Variants in AKT2 observed in about 807,000 individuals in gnomAD.
The protein encoded by AKT2 is AKT serine/threonine kinase 2, also known as RAC-beta serine/threonine-protein kinase.
A neutral mutation model predicts 58.6 loss-of-function variants in AKT2; 16 were observed. The ratio of observed to expected loss-of-function variants is 0.27; its 90% CI spans 0.18 to 0.41. AKT2 has a LOEUF of 0.41. AKT2 is among the 10% of genes least tolerant of loss of function. The probability of loss-of-function intolerance (pLI) is 1.00; values close to 1 mark genes in which losing one functional copy is unlikely to be tolerated. For missense variants in AKT2, 438 were observed against 661.0 expected, an observed-to-expected ratio of 0.66 and a Z score of 3.70; for synonymous variants, 253 against 254.0, an observed-to-expected ratio of 1.00 and a Z score of 0.04.
rs1973979123 is a variant in AKT2, at chr19:40,235,703, G to A, written c.1175+187C>T. On this transcript the variant is annotated intron_variant, in intron 11 of 13. Transcript: ENST00000392038. The surrounding 1 kb of genome is among the most constrained non-coding windows in gnomAD (Gnocchi z 6.3). Reference sequence around the variant, plus strand: ...CAGTGTCCCCATAAAATAAGGCAGTGTCAAGGATGGGCCTGCCCTGGGGGA... The same window carrying A: ...CAGTGTCCCCATAAAATAAGGCAGTATCAAGGATGGGCCTGCCCTGGGGGA... Among the ~76,000 whole-genome samples, 1 of 152,220 alleles carries A rather than the reference G, an allele frequency of 6.6e-6. No homozygotes were observed.
intron 1 of AKT2, among the ~76,000 whole-genome samples, chr19:40,284,247 G>GT (rs1396951058): frequency 7.2e-5 from 11 of 152,144 alleles, no homozygotes; most frequent in South Asian, 2.1e-4. Flanking sequence ...TTCCTCCCAA[G>GT]TTTTAACAAG....
intron 4 of AKT2, among the ~76,000 whole-genome samples, chr19:40,245,607 T>C (rs1002078011): frequency 6.6e-6 from 1 of 151,932 alleles, no homozygotes; most frequent in African/African-American, 2.4e-5. Context: ...CTATCCCTAC[T>C]CCCACCCATT....
At chr19:40,263,825 T>C (rs994971148) in intron 2 of AKT2, among the ~76,000 whole-genome samples, 1 of 152,134 alleles carries the variant, frequency 6.6e-6, no homozygotes, top group African/African-American at 2.4e-5. Context: ...ACAAGCCCAC[T>C]TACCCCCTCA....
intron 1 of AKT2, among the ~76,000 whole-genome samples, chr19:40,272,739 T>G (rs1225018174): frequency 6.6e-6 from 1 of 152,038 alleles, no homozygotes; most frequent in African/African-American, 2.4e-5. Flanking sequence ...TGTGTTTAAA[T>G]GTCACACGCA....
intron 6 of AKT2, chr19:40,241,530 T>TC (rs1401221830): frequency 3.7e-6 from 1 of 271,954 alleles, no homozygotes; most frequent in Non-Finnish European, 7.2e-6. Flanking sequence ...TTTTTGAATG[T>TC]CTTTGGAATC....
intron 1 of AKT2, chr19:40,275,320 C>T (rs2077293719): frequency 2.2e-6 from 1 of 456,592 alleles, no homozygotes; most frequent in South Asian, 1.5e-5. Context: ...GAATCCCTGA[C>T]CCACGTCGCT....
At chr19:40,236,849 C>CTTTGT in intron 9 of AKT2, 1 of 216,266 alleles carries the variant, frequency 4.6e-6, no homozygotes, top group South Asian at 6.7e-5. Flanking sequence ...CACAGCGAGA[C>CTTTGT]CCCATCTCCA....
chr19:40,278,468 C>T (rs1031428315), intron 1 of AKT2, among the ~76,000 whole-genome samples: 2 of 152,082 alleles, frequency 1.3e-5, no homozygotes, highest in East Asian at 1.9e-4. Flanking sequence ...TTCCTATCTA[C>T]GAGATGGGAG....
chr19:40,245,088 G>A lies in AKT2; in HGVS notation c.288-2401C>T, dbSNP rs186706177. ...GTGCCTCCCCAATGACAGCGCCTTC[G>A]ATTTGATGAAATATCACAGCAGTGT... On this transcript the variant is annotated intron_variant, in intron 4 of 13. Coordinates refer to ENST00000392038, the MANE Select transcript of AKT2 (RefSeq NM_001626.6). Among the ~76,000 whole-genome samples, 226 of 152,276 alleles carry A rather than the reference G, an allele frequency of 1.5e-3. 5 individuals are homozygous for A. The highest frequency in any genetic ancestry group is 0.013 in the Admixed American group (205 of 15,286).
intron 6 of AKT2, 121 bp downstream of exon 6, chr19:40,241,816 GA>G: frequency 1.4e-6 from 2 of 1,448,516 alleles, no homozygotes; most frequent in Non-Finnish European, 9.4e-7. Flanking sequence ...TGACTAGGGG[GA>G]ATTTGTGGGG....
rs1466741265 is a variant in AKT2 at position 40,232,739 on chromosome 19, CCCA to C, written c.*1130_*1132del. The C allele has an allele frequency of 8.6e-6, 2 of 233,510 alleles. No individual in the cohort carries two copies. The highest frequency in any genetic ancestry group is 2.2e-5 in the African/African-American group (1 of 45,346). The allele number at this position is 233,510 out of a possible 1,614,324, so 14.5% of individuals were successfully genotyped here. A position where few individuals can be genotyped will look rare whatever the true frequency, so the allele number is the denominator to read the frequency against. ...TCACACAAACACACATGCACACACA[CCCA>C]CGTGTGCCTGCGTCCCGCCGACACA... On this transcript the variant is annotated 3_prime_UTR_variant, in exon 14 of 14. Coordinates refer to ENST00000392038, the MANE Select transcript of AKT2 (RefSeq NM_001626.6).
chr19:40,233,852 C>A lies in AKT2; in HGVS notation c.*20G>T, dbSNP rs571914842. On this transcript the variant is annotated 3_prime_UTR_variant, in exon 14 of 14. Transcript: ENST00000392038. The surrounding 1 kb of genome is among the most constrained non-coding windows in gnomAD (Gnocchi z 4.3). ...AGCGGTGATGGCAGCGAGCGTGCGT[C>A]CTCTGCGTGGGCAGACTGCTCACTC... 1.2e-6 allele frequency: 2 copies of A among 1,608,550 alleles called. 1 individual carries two copies. The highest frequency in any genetic ancestry group is 3.3e-5 in the Admixed American group (2 of 59,996).
chr19:40,256,285 C>T (rs1395437252), intron 3 of AKT2, among the ~76,000 whole-genome samples: 1 of 152,144 alleles, frequency 6.6e-6, no homozygotes, highest in African/African-American at 2.4e-5. Flanking sequence ...GGATAGTGGT[C>T]TGAGCTAAGG....
chr19:40,276,406 G>A (rs367580027), intron 1 of AKT2, among the ~76,000 whole-genome samples: 6 of 120,926 alleles, frequency 5.0e-5, no homozygotes, highest in Admixed American at 3.1e-4. Flanking sequence ...TCACTCTGTC[G>A]CCAGGCTGGA....
chr19:40,236,300 G>C lies in AKT2; in HGVS notation c.917C>G (p.Thr306Ser), dbSNP rs777865319. ...CGGGGTCCCACAGAAGGTTTTCATG[G>C]TGGCCCCGTCACTGATGCCCTCTTT... is the stretch of plus-strand genomic sequence containing the variant. ...LCKEGISDGA[T>S]MKTFCGTPEY... The change falls in exon 10 of 14, where the codon ACC (threonine) becomes AGC (serine). Residue 306 changes from threonine (T) to serine (S), a missense_variant. Physicochemically the swap from Thr to Ser is moderately conservative, Grantham distance 58 (BLOSUM62 1). Transcript: ENST00000392038. The C allele has an allele frequency of 5.8e-5, 93 of 1,614,006 alleles. No homozygotes were observed. Among genetic ancestry groups the C allele is most frequent in the Non-Finnish European group, 4.2e-6 (5 of 1,180,040 alleles).
chr19:40,250,383 A>G (rs1347947157), intron 4 of AKT2, among the ~76,000 whole-genome samples: 3 of 152,000 alleles, frequency 2.0e-5, no homozygotes, highest in Non-Finnish European at 4.4e-5. Context: ...CGTGCCTGTA[A>G]TCCCAGCTAC....
intron 4 of AKT2, among the ~76,000 whole-genome samples, chr19:40,245,708 C>T (rs919105587): frequency 1.3e-5 from 2 of 152,188 alleles, no homozygotes; most frequent in Admixed American, 6.5e-5. Flanking sequence ...ACAAAAGGCA[C>T]GCTGCCCTCC....
intron 3 of AKT2, among the ~76,000 whole-genome samples, chr19:40,255,762 G>C (rs1014049131): frequency 6.6e-6 from 1 of 152,222 alleles, no homozygotes; most frequent in Non-Finnish European, 1.5e-5. Flanking sequence ...AGCCAGGCAG[G>C]GCTTTGGAGG....
chr19:40,247,028 G>C (rs1001377477), intron 4 of AKT2, among the ~76,000 whole-genome samples: 11 of 152,202 alleles, frequency 7.2e-5, no homozygotes, highest in African/African-American at 1.4e-4. Flanking sequence ...GAAAGCTCCA[G>C]AAACCACAGC....
Sources: gnomAD v4.1 joint callset for allele counts (sites outside exome capture counted in the v4.1 genomes callset) on GRCh38, gnomAD v4.1.1 for gene constraint, Gnocchi (gnomAD v3.1) non-coding constraint, MANE v1.5 for transcripts, NCBI Gene and HGNC (gene_info 2026-07-23, HGNC 2026-07-21) for gene names.